BCL2L13: variants seen among roughly 807,000 people sequenced by gnomAD.
BCL2L13 encodes the protein BCL2 like 13.
In BCL2L13, 13 loss-of-function variants were observed where a neutral mutation model predicts 25.8. The ratio of observed to expected loss-of-function variants is 0.50; its 90% CI spans 0.33 to 0.80. The LOEUF (loss-of-function observed/expected upper bound fraction) is 0.80, where lower values mean the gene tolerates loss of function less well. Ranked by LOEUF, BCL2L13 falls within the 30% of genes least tolerant of loss-of-function variation. The pLI, the probability that BCL2L13 is intolerant of heterozygous loss-of-function variation, is 0.02. For synonymous variants in BCL2L13, 244 were observed against 230.3 expected, an observed-to-expected ratio of 1.06 and a Z score of -0.54; for missense variants, 504 against 574.9, an observed-to-expected ratio of 0.88 and a Z score of 1.26.
chr22:17,677,970 T>C (rs1204421862), intron 2 of BCL2L13, among the ~76,000 whole-genome samples: 1 of 152,100 alleles, frequency 6.6e-6, no homozygotes, highest in Non-Finnish European at 1.5e-5. Flanking sequence ...CGCTTGAGCC[T>C]AAGAGGTTGA....
intron 1 of BCL2L13, among the ~76,000 whole-genome samples, chr22:17,649,101 A>AT (rs1003063155): frequency 0.023 from 3,206 of 142,488 alleles, 40 homozygotes; most frequent in Non-Finnish European, 0.028. Context: ...GCCCGGCTCA[A>AT]TTTTTTTTTT....
intron 2 of BCL2L13, among the ~76,000 whole-genome samples, chr22:17,680,535 A>G (rs907953513): frequency 2.6e-5 from 2 of 77,520 alleles, no homozygotes; most frequent in Non-Finnish European, 3.0e-5. Flanking sequence ...AAAAAAAAAA[A>G]AAAAAAGAAA....
upstream of BCL2L13, among the ~76,000 whole-genome samples, chr22:17,636,895 C>A (rs1257058274): frequency 6.6e-6 from 1 of 152,190 alleles, no homozygotes; most frequent in Non-Finnish European, 1.5e-5. Flanking sequence ...AACATAAGTA[C>A]CTCCCAAAAT....
At chr22:17,663,108 T>C (rs1190962029) in intron 2 of BCL2L13, among the ~76,000 whole-genome samples, 3 of 152,188 alleles carry the variant, frequency 2.0e-5, no homozygotes, top group African/African-American at 7.2e-5. Context: ...TGGGCTCAAG[T>C]GATCTTCCTG....
chr22:17,675,851 A>G (rs1249444350), intron 2 of BCL2L13, among the ~76,000 whole-genome samples: 2 of 152,244 alleles, frequency 1.3e-5, no homozygotes, highest in African/African-American at 2.4e-5. Context: ...AAGAGCAAGA[A>G]TAACTGCCTG....
At position 17,728,077 on chromosome 22, in the gene BCL2L13, A is replaced by AG; in HGVS notation, c.*543_*544insG. 1 of 157,936 alleles carries AG rather than the reference A, an allele frequency of 6.3e-6. No homozygotes were observed. Among genetic ancestry groups the AG allele is most frequent in the Admixed American group, 5.9e-5 (1 of 16,858 alleles). The allele number at this position is 157,936 out of a possible 1,614,324, so 9.8% of individuals were successfully genotyped here. A position where few individuals can be genotyped will look rare whatever the true frequency, so the allele number is the denominator to read the frequency against. ...ACTTCTTAGCTCTTAATCCCCTTAG[A>AG]ATTTCATCTTTCTCGATGAGCAGGC... On this transcript the variant is annotated 3_prime_UTR_variant, in exon 7 of 7. Coordinates refer to ENST00000317582, the MANE Select transcript of BCL2L13 (RefSeq NM_015367.4).
chr22:17,666,080 G>A (rs1186417245), intron 2 of BCL2L13, among the ~76,000 whole-genome samples: 3 of 152,138 alleles, frequency 2.0e-5, no homozygotes, highest in Non-Finnish European at 4.4e-5. Context: ...TTTGCTTCCT[G>A]CCAACAATAT....
At chr22:17,682,691 T>C (rs1453937158) in intron 2 of BCL2L13, among the ~76,000 whole-genome samples, 1 of 152,220 alleles carries the variant, frequency 6.6e-6, no homozygotes, top group Non-Finnish European at 1.5e-5. Context: ...TCTGGAAAGG[T>C]GGAGACTTAC....
chr22:17,680,105 T>G (rs982427088), intron 2 of BCL2L13, among the ~76,000 whole-genome samples: 1 of 150,620 alleles, frequency 6.6e-6, no homozygotes, highest in Non-Finnish European at 1.5e-5. Context: ...TTCCAGCTAC[T>G]CGGGAGGGTG....
chr22:17,685,754 C>CTTTTTCT (rs2059909584), intron 3 of BCL2L13, among the ~76,000 whole-genome samples: 1 of 53,996 alleles, frequency 1.9e-5, no homozygotes, highest in Admixed American at 2.1e-4. Flanking sequence ...ATAATTTTTT[C>CTTTTTCT]TTTTTCTTTT....
chr22:17,644,409 C>T (rs1001764385), intron 1 of BCL2L13, among the ~76,000 whole-genome samples: 1 of 150,026 alleles, frequency 6.7e-6, no homozygotes, highest in African/African-American at 2.5e-5. Flanking sequence ...CGGCTCACTG[C>T]AATCTTTGCC....
chr22:17,704,181 G>A (rs766738524), intron 6 of BCL2L13, among the ~76,000 whole-genome samples: 3 of 152,106 alleles, frequency 2.0e-5, no homozygotes, highest in African/African-American at 7.2e-5. Flanking sequence ...CGCCTCCCAG[G>A]TTCAAGCTAT....
Position 17,696,124 on chromosome 22 carries a change from T to TA in BCL2L13, c.387-10dup, listed in dbSNP as rs777094382. ...TTTCCTTCTTTGTGACACAGACTTT[T>TA]AAAAAAATCTCTACAGGCCAGTGAC... is the stretch of plus-strand genomic sequence containing the variant. On this transcript the variant is annotated splice_polypyrimidine_tract_variant and intron_variant, in intron 4 of 6. Coordinates refer to ENST00000317582, the MANE Select transcript of BCL2L13 (RefSeq NM_015367.4). 3 of 1,605,744 alleles carry TA rather than the reference T, an allele frequency of 1.9e-6. No homozygotes were observed. Among genetic ancestry groups the TA allele is most frequent in the Non-Finnish European group, 1.7e-6 (2 of 1,172,658 alleles).
At chr22:17,635,931 C>G (rs181216662), upstream of BCL2L13, among the ~76,000 whole-genome samples, 61 of 151,676 alleles carry the variant, frequency 4.0e-4, no homozygotes, top group East Asian at 2.2e-3. Context: ...GGATGGTCTC[C>G]ATCTCCTGAC....
intron 4 of BCL2L13, among the ~76,000 whole-genome samples, chr22:17,693,686 G>T (rs2060183099): frequency 6.7e-6 from 1 of 149,270 alleles, no homozygotes; most frequent in East Asian, 2.0e-4. Context: ...GGCTGGGGTG[G>T]GATTTTAAAA....
At chr22:17,644,249 A>G (rs1568919998) in intron 1 of BCL2L13, among the ~76,000 whole-genome samples, 1 of 150,276 alleles carries the variant, frequency 6.7e-6, no homozygotes, top group Non-Finnish European at 1.5e-5. Flanking sequence ...TTTGTGATGG[A>G]TTTATCTGTG....
At chr22:17,643,505 CATGTTAACTTGTGGAACTTAAA>C (rs1275210999) in intron 1 of BCL2L13, among the ~76,000 whole-genome samples, 5 of 152,094 alleles carry the variant, frequency 3.3e-5, no homozygotes, top group Non-Finnish European at 7.3e-5. Flanking sequence ...CTTTGGACTC[CATGTTAACTTGTGGAACTTAAA>C]AAAAATTCCC....
intron 5 of BCL2L13, among the ~76,000 whole-genome samples, chr22:17,696,447 A>G (rs1160244713): frequency 6.6e-6 from 1 of 152,048 alleles, no homozygotes; most frequent in African/African-American, 2.4e-5. Flanking sequence ...CAATTTTCCC[A>G]TCATTTCTTC....
At chr22:17,667,676 T>C (rs1362336417) in intron 2 of BCL2L13, among the ~76,000 whole-genome samples, 1 of 151,080 alleles carries the variant, frequency 6.6e-6, no homozygotes. Flanking sequence ...ACCTGGCTAA[T>C]TTTTGTATTT....
Sources: gnomAD v4.1 joint callset for allele counts (sites outside exome capture counted in the v4.1 genomes callset) on GRCh38, gnomAD v4.1.1 for gene constraint, MANE v1.5 for transcripts, NCBI Gene and HGNC (gene_info 2026-07-23, HGNC 2026-07-21) for gene names.